The following SLC25A21 variants were observed in gnomAD, a reference collection of about 807,000 sequenced individuals.
SLC25A21 encodes mitochondrial 2-oxodicarboxylate carrier.
SLC25A21 carries 47 observed loss-of-function variants against 43.8 expected under a neutral mutation model. The observed-to-expected ratio is 1.07, with a 90% CI of 0.85 to 1.37. SLC25A21 has a LOEUF of 1.37. SLC25A21 is among the 40% of genes most tolerant of loss of function. The probability of loss-of-function intolerance (pLI) is 0.00; values close to 1 mark genes in which losing one functional copy is unlikely to be tolerated. For missense variants in SLC25A21, 352 were observed against 350.2 expected (o/e 1.00, Z -0.04); for synonymous variants, 131 against 121.3 (o/e 1.08, Z -0.52).
chr14:36,999,295 C>A (rs1594745413), intron 1 of SLC25A21, among the ~76,000 whole-genome samples: 2 of 152,236 alleles, frequency 1.3e-5, no homozygotes, highest in South Asian at 2.1e-4. Flanking sequence ...TACATAAATA[C>A]ATGGTTCTAA....
intron 2 of SLC25A21, among the ~76,000 whole-genome samples, chr14:36,859,818 A>G (rs1890015509): frequency 6.6e-6 from 1 of 152,232 alleles, no homozygotes; most frequent in Non-Finnish European, 1.5e-5. Flanking sequence ...AACCTGGCTC[A>G]TGATAGTAAA....
chr14:36,804,156 A>C (rs1204002158), intron 3 of SLC25A21, among the ~76,000 whole-genome samples: 1 of 152,168 alleles, frequency 6.6e-6, no homozygotes, highest in Admixed American at 6.5e-5. Context: ...GATCCCACTA[A>C]ACCCCTTTCT....
intron 1 of SLC25A21, among the ~76,000 whole-genome samples, chr14:37,004,359 A>G (rs1960551124): frequency 6.6e-6 from 1 of 152,210 alleles, no homozygotes; most frequent in South Asian, 2.1e-4. Flanking sequence ...AGATGTCAAG[A>G]ATGTTTTATC....
At position 36,839,968 on chromosome 14, in the gene SLC25A21, C is replaced by T. The variant is rs144025463; in HGVS notation, c.120-25967G>A. The stretch of plus-strand genomic sequence containing the variant: ...CATTGTATAAGTGGTTAGTCTTTGA[C>T]CAAAACATTGCATGACTGTAGCTCA... On this transcript the variant is annotated intron_variant, in intron 2 of 9. Transcript: ENST00000331299. Among the ~76,000 whole-genome samples, 105 of 152,206 alleles carry T rather than the reference C, an allele frequency of 6.9e-4. No individual in the cohort carries two copies. The Middle Eastern group carries it at 0.01, about 15-fold the overall frequency.
intron 7 of SLC25A21, among the ~76,000 whole-genome samples, chr14:36,694,298 A>T (rs920959906): frequency 2.6e-5 from 4 of 152,096 alleles, no homozygotes; most frequent in Non-Finnish European, 5.9e-5. Context: ...ACATTTTCTT[A>T]ATCCAGTCTA....
chr14:36,777,966 T>G (rs1030701113), intron 3 of SLC25A21, among the ~76,000 whole-genome samples: 1 of 152,180 alleles, frequency 6.6e-6, no homozygotes, highest in Non-Finnish European at 1.5e-5. Flanking sequence ...AGTCATTATC[T>G]TTCAACTGCC....
At chr14:37,048,118 T>C (rs142221554) in intron 1 of SLC25A21, among the ~76,000 whole-genome samples, 38 of 152,314 alleles carry the variant, frequency 2.5e-4, no homozygotes, top group Non-Finnish European at 4.0e-4. Flanking sequence ...TTTACAATGT[T>C]TGTGTACCCA....
intron 4 of SLC25A21, among the ~76,000 whole-genome samples, chr14:36,731,136 C>A (rs1007699503): frequency 6.6e-6 from 1 of 152,100 alleles, no homozygotes; most frequent in African/African-American, 2.4e-5. Flanking sequence ...CCACGCCCGG[C>A]TAATTTTTTT....
intron 1 of SLC25A21, among the ~76,000 whole-genome samples, chr14:37,113,710 T>C (rs558301505): frequency 6.6e-6 from 1 of 151,940 alleles, no homozygotes; most frequent in Non-Finnish European, 1.5e-5. Flanking sequence ...AAAAATTAGC[T>C]GGGTGTGGTG....
At position 36,751,839 on chromosome 14, in the gene SLC25A21, T is replaced by C. The variant is rs545233056; in HGVS notation, c.204-17266A>G. Among the ~76,000 whole-genome samples, 5 of 152,346 alleles carry C rather than the reference T, an allele frequency of 3.3e-5. No homozygotes were observed. In the South Asian group the frequency reaches 8.3e-4, roughly 25 times the overall value. On this transcript the variant is annotated intron_variant, in intron 3 of 9. Coordinates refer to ENST00000331299, the MANE Select transcript of SLC25A21 (RefSeq NM_030631.4). The stretch of plus-strand genomic sequence containing the variant: ...AGGCAGAAGTATATTTTTCTCTCAA[T>C]TTTCAAGCAACACTGATTGATGGAA...
intron 3 of SLC25A21, among the ~76,000 whole-genome samples, chr14:36,783,060 C>T (rs1177086161): frequency 1.3e-5 from 2 of 151,648 alleles, no homozygotes; most frequent in Non-Finnish European, 2.9e-5. Flanking sequence ...AAAGCCATGT[C>T]AGGTGCTGAG....
At position 36,822,424 on chromosome 14, in the gene SLC25A21, A is replaced by G. The variant is rs530381332; in HGVS notation, c.120-8423T>C. On this transcript the variant is annotated intron_variant, in intron 2 of 9. Coordinates refer to ENST00000331299, the MANE Select transcript of SLC25A21 (RefSeq NM_030631.4). ...ACAGGACACAGAAACCTGTGGTTAA[A>G]ATTAAGATGTTCTTTGACTGGTTAA... is the stretch of plus-strand genomic sequence containing the variant. Among the ~76,000 whole-genome samples the G allele has an allele frequency of 7.9e-5, 12 of 152,364 alleles. No homozygotes were observed. In the East Asian group the frequency reaches 1.9e-3, roughly 25 times the overall value.
intron 1 of SLC25A21, among the ~76,000 whole-genome samples, chr14:37,003,655 A>G (rs1171388633): frequency 6.6e-6 from 1 of 152,222 alleles, no homozygotes; most frequent in African/African-American, 2.4e-5. Context: ...GCAGCCAGAC[A>G]TAAAACATTA....
In SLC25A21 at chr14:36,909,210, T is replaced by TTG. The variant is rs1027347486; in HGVS notation, c.71-34207_71-34206insCA. On this transcript the variant is annotated intron_variant, in intron 1 of 9. Transcript: ENST00000331299. ...ATCCATGAAACCAGTAGGGACACTT[T>TTG]GAGTACGAGGGGTCTGGTAGGCAAC... Among the ~76,000 whole-genome samples the TTG allele has an allele frequency of 3.1e-4, 47 of 152,214 alleles. 1 individual carries two copies. Among genetic ancestry groups the TTG allele is most frequent in the Middle Eastern group, 6.8e-3 (2 of 294 alleles).
chr14:36,810,424 G>A (rs1282225641), intron 3 of SLC25A21, among the ~76,000 whole-genome samples: 1 of 152,092 alleles, frequency 6.6e-6, no homozygotes, highest in Non-Finnish European at 1.5e-5. Flanking sequence ...TGTTTTGCAG[G>A]AAAGGGATAC....
At chr14:36,966,516 T>A (rs1020407465) in intron 1 of SLC25A21, among the ~76,000 whole-genome samples, 2 of 152,130 alleles carry the variant, frequency 1.3e-5, no homozygotes, top group African/African-American at 2.4e-5. Context: ...GATCAGGAAA[T>A]CAGCATCACG....
At chr14:36,970,742 T>C (rs1305259795) in intron 1 of SLC25A21, among the ~76,000 whole-genome samples, 1 of 152,240 alleles carries the variant, frequency 6.6e-6, no homozygotes, top group East Asian at 1.9e-4. Context: ...GTGAAATTGC[T>C]GTTTGTGTTA....
At chr14:36,702,768 C>T (rs1370080342) in intron 7 of SLC25A21, among the ~76,000 whole-genome samples, 3 of 152,166 alleles carry the variant, frequency 2.0e-5, no homozygotes, top group African/African-American at 7.2e-5. Flanking sequence ...ACCATGAATA[C>T]TTTTGGAATG....
rs1324746744 is a variant in SLC25A21, at chr14:36,680,507, T to TAGAC, written c.*147_*150dup. On this transcript the variant is annotated 3_prime_UTR_variant, in exon 10 of 10. Coordinates refer to ENST00000331299, the MANE Select transcript of SLC25A21 (RefSeq NM_030631.4). ...CAAAACTATAATCTCAAGTTGCCTATAGACATTTTTTAAAGTATTAAAATA... is the reference window on the plus strand; with the variant it reads ...CAAAACTATAATCTCAAGTTGCCTATAGACAGACATTTTTTAAAGTATTAAAATA... 3 of 1,291,128 alleles carry TAGAC rather than the reference T, an allele frequency of 2.3e-6. No individual in the cohort carries two copies. The highest frequency in any genetic ancestry group is 2.9e-6 in the Non-Finnish European group (3 of 1,017,870). The allele number at this position is 1,291,128 out of a possible 1,614,324, so 80.0% of individuals were successfully genotyped here. A position where few individuals can be genotyped will look rare whatever the true frequency, so the allele number is the denominator to read the frequency against.
Sources: allele counts gnomAD v4.1 joint callset (sites outside exome capture counted in the v4.1 genomes callset), GRCh38; gene constraint gnomAD v4.1.1; transcripts MANE v1.5; gene names NCBI Gene and HGNC (gene_info 2026-07-23, HGNC 2026-07-21).